RBPMS2: variants seen among roughly 807,000 people sequenced by gnomAD.
The protein encoded by RBPMS2 is RNA binding protein, mRNA processing factor 2.
In RBPMS2, 14 loss-of-function variants were observed where a neutral mutation model predicts 25.7. The ratio of observed to expected loss-of-function variants is 0.55; its 90% CI spans 0.36 to 0.85. The LOEUF (loss-of-function observed/expected upper bound fraction) is 0.85, where lower values mean the gene tolerates loss of function less well. Ranked by LOEUF, RBPMS2 falls within the 40% of genes least tolerant of loss-of-function variation. The probability of loss-of-function intolerance (pLI) is 0.01; values close to 1 mark genes in which losing one functional copy is unlikely to be tolerated. For synonymous variants in RBPMS2, 127 were observed against 115.6 expected, an observed-to-expected ratio of 1.10 and a Z score of -0.63; for missense variants, 252 against 283.4, an observed-to-expected ratio of 0.89 and a Z score of 0.80.
chr15:64,754,703 CA>C (rs111969621), intron 1 of RBPMS2, among the ~76,000 whole-genome samples: 39 of 140,988 alleles, frequency 2.8e-4, no homozygotes, highest in Admixed American at 6.4e-4. Context: ...AACTCCGTCT[CA>C]AAAAAAAAAA....
intron 2 of RBPMS2, among the ~76,000 whole-genome samples, chr15:64,750,783 T>C (rs749615720): frequency 1.3e-5 from 2 of 152,230 alleles, no homozygotes; most frequent in Non-Finnish European, 2.9e-5. Flanking sequence ...CTCACGTCTG[T>C]AATCCCAGCA....
At chr15:64,741,064 C>T in intron 7 of RBPMS2, 64 bp from the exon 8 acceptor site, 1 of 802,470 alleles carries the variant, frequency 1.2e-6, no homozygotes, top group Non-Finnish European at 2.0e-6. Context: ...GCCAGGCCTG[C>T]TCTGGGCTCG....
At chr15:64,757,460 G>A (rs1263613483) in intron 1 of RBPMS2, among the ~76,000 whole-genome samples, 2 of 152,196 alleles carry the variant, frequency 1.3e-5, no homozygotes, top group East Asian at 3.8e-4. Flanking sequence ...AGCTGGTAAT[G>A]TGGGTAGGAT....
chr15:64,762,301 C>A, intron 1 of RBPMS2: 2 of 488,012 alleles, frequency 4.1e-6, no homozygotes, highest in Admixed American at 4.4e-5. Flanking sequence ...AGACTGTCAA[C>A]TCCCCACAGC....
chr15:64,744,549 ACT>A (rs1262851589), intron 6 of RBPMS2, among the ~76,000 whole-genome samples: 1 of 114,296 alleles, frequency 8.7e-6, no homozygotes, highest in Non-Finnish European at 1.8e-5. Flanking sequence ...CAAGAGTGAA[ACT>A]CTGTCTCAAA....
rs760478091 is a variant in RBPMS2, at chr15:64,750,301, C to T, written c.204+42G>A. On this transcript the variant is annotated intron_variant, in intron 3 of 7. Transcript: ENST00000300069. ...GGGCCCTTGTTTGAAGCTCAGCAGC[C>T]GGTCTGGGCTGGGAGGAAGAAAACC... The T allele has an allele frequency of 1.4e-5, 22 of 1,574,572 alleles. No homozygotes were observed. In the East Asian group the frequency reaches 1.6e-4, roughly 11 times the overall value.
At chr15:64,769,286 G>A (rs368515039) in intron 1 of RBPMS2, among the ~76,000 whole-genome samples, 17 of 151,132 alleles carry the variant, frequency 1.1e-4, no homozygotes, top group East Asian at 9.8e-4. Context: ...TTAGCTGGGC[G>A]TGGTAGCACA....
intron 1 of RBPMS2, among the ~76,000 whole-genome samples, chr15:64,766,954 T>A (rs1033307408): frequency 5.9e-5 from 9 of 152,104 alleles, no homozygotes; most frequent in Non-Finnish European, 1.2e-4. Context: ...CAGCTAATTT[T>A]TGTATTTTTA....
chr15:64,775,379 G>T lies in RBPMS2; in HGVS notation c.-60C>A. The T allele has an allele frequency of 9.8e-7, 1 of 1,023,156 alleles. No homozygotes were observed. The highest frequency in any genetic ancestry group is 1.3e-6 in the Non-Finnish European group (1 of 799,952). The allele number at this position is 1,023,156 out of a possible 1,614,324, so 63.4% of individuals were successfully genotyped here. On this transcript the variant is annotated 5_prime_UTR_variant, in exon 1 of 8. Coordinates refer to ENST00000300069, the MANE Select transcript of RBPMS2 (RefSeq NM_194272.3). ...GGGCGAGCGCGGCGCCGGCCCCGCG[G>T]GAAGTGGGAAGGGGCGCGGGGAGCG...
intron 1 of RBPMS2, among the ~76,000 whole-genome samples, chr15:64,753,146 A>AAC (rs1945135293): frequency 6.6e-6 from 1 of 151,978 alleles, no homozygotes; most frequent in African/African-American, 2.4e-5. Flanking sequence ...GAAAAATGTG[A>AAC]ACAAGCAGAG....
chr15:64,749,544 C>G, intron 3 of RBPMS2, 51 bp from the exon 4 acceptor site: 1 of 1,445,454 alleles, frequency 6.9e-7, no homozygotes, highest in Non-Finnish European at 9.6e-7. Flanking sequence ...CATTCCACCT[C>G]TCCCTCCAAA....
intron 1 of RBPMS2, among the ~76,000 whole-genome samples, chr15:64,767,605 A>G (rs553983757): frequency 1.3e-5 from 2 of 152,302 alleles, no homozygotes; most frequent in East Asian, 3.9e-4. Context: ...GGCTTCCTCT[A>G]CTTACGGCGC....
intron 1 of RBPMS2, chr15:64,762,566 G>A: frequency 1.9e-6 from 1 of 528,398 alleles, no homozygotes; most frequent in Non-Finnish European, 3.9e-6. Flanking sequence ...TGCACTCAGG[G>A]TCCAGCTCAG....
intron 1 of RBPMS2, among the ~76,000 whole-genome samples, chr15:64,758,348 T>C (rs780356724): frequency 1.3e-5 from 2 of 152,172 alleles, no homozygotes; most frequent in Non-Finnish European, 2.9e-5. Context: ...GGGAGCACAG[T>C]CAGGTCCTCA....
intron 1 of RBPMS2, among the ~76,000 whole-genome samples, chr15:64,761,523 A>G (rs1443907322): frequency 6.6e-6 from 1 of 152,106 alleles, no homozygotes; most frequent in Non-Finnish European, 1.5e-5. Flanking sequence ...GGCCAGCCCA[A>G]GGTACCCAGG....
At chr15:64,759,640 G>A (rs992840669) in intron 1 of RBPMS2, among the ~76,000 whole-genome samples, 7 of 152,076 alleles carry the variant, frequency 4.6e-5, no homozygotes, top group African/African-American at 7.2e-5. Flanking sequence ...CCAGGCTTGC[G>A]TGGAAAGGGA....
rs960251350 is a variant in RBPMS2, at chr15:64,754,115, A to G, written c.88-2477T>C. On this transcript the variant is annotated intron_variant, in intron 1 of 7. Coordinates refer to ENST00000300069, the MANE Select transcript of RBPMS2 (RefSeq NM_194272.3). ...CACTTGAGGTCAAGAGTTTGAGACC[A>G]GCCTGGCCGACGTGGTAAAACCCCA... Among the ~76,000 whole-genome samples the G allele has an allele frequency of 4.6e-5, 7 of 152,272 alleles. No homozygotes were observed. In the South Asian group the frequency reaches 8.3e-4, roughly 18 times the overall value.
intron 1 of RBPMS2, among the ~76,000 whole-genome samples, 198 bp downstream of exon 1, chr15:64,775,035 T>A (rs2083920039): frequency 6.6e-6 from 1 of 150,574 alleles, no homozygotes; most frequent in Non-Finnish European, 1.5e-5. Context: ...AGACAATGCC[T>A]GTCCGGCGGG....
intron 7 of RBPMS2, 22 bp downstream of exon 7, chr15:64,741,151 G>A (rs1210336582): frequency 6.5e-7 from 1 of 1,546,002 alleles, no homozygotes; most frequent in Non-Finnish European, 8.8e-7. Context: ...ACTTGTCCTG[G>A]GCCTCTGGGG....
Sources: gnomAD v4.1 joint callset for allele counts (sites outside exome capture counted in the v4.1 genomes callset) on GRCh38, gnomAD v4.1.1 for gene constraint, MANE v1.5 for transcripts, NCBI Gene and HGNC (gene_info 2026-07-23, HGNC 2026-07-21) for gene names.